Variants in C1orf115 observed in about 807,000 individuals in gnomAD.
C1orf115 encodes required for drug-induced death protein 1.
Under a neutral mutation model 12.5 loss-of-function variants are expected in C1orf115, and 14 were observed. That is an observed-to-expected ratio of 1.12 (90% CI 0.74 to 1.75). The LOEUF (loss-of-function observed/expected upper bound fraction) is 1.75. Among genes scored for constraint, C1orf115 ranks in the 40% most tolerant of loss-of-function variants. C1orf115 has a pLI of 0.00. For synonymous variants in C1orf115, 109 were observed against 104.6 expected, an observed-to-expected ratio of 1.04 and a Z score of -0.26; for missense variants, 237 against 220.8, an observed-to-expected ratio of 1.07 and a Z score of -0.46.
chr1:220,695,930 T>A (rs951609608), intron 1 of C1orf115, among the ~76,000 whole-genome samples: 1 of 152,046 alleles, frequency 6.6e-6, no homozygotes, highest in Non-Finnish European at 1.5e-5. Context: ...GCAATCACAT[T>A]TGAGTCCTTT....
intron 1 of C1orf115, among the ~76,000 whole-genome samples, chr1:220,691,966 A>T (rs1319389760): frequency 6.6e-6 from 1 of 152,054 alleles, no homozygotes; most frequent in Non-Finnish European, 1.5e-5. Context: ...CAGGCAGTTC[A>T]CTCCTCAGCG....
chr1:220,698,286 A>T lies in C1orf115; in HGVS notation c.*1555A>T, dbSNP rs534201644. ...AATCAAGCCCTACCAAGACAGACAG[A>T]AAGACAGACAGAAAAAAGGAAGGGG... is the stretch of plus-strand genomic sequence containing the variant. On this transcript the variant is annotated 3_prime_UTR_variant, in exon 2 of 2. Transcript: ENST00000294889. The T allele has an allele frequency of 6.6e-6, 1 of 152,416 alleles. No homozygotes were observed. Among genetic ancestry groups the T allele is most frequent in the East Asian group, 1.9e-4 (1 of 5,168 alleles). 9.4% of individuals were successfully genotyped at this position (152,416 alleles called of 1,614,324 possible).
At chr1:220,691,579 T>A (rs998096310) in intron 1 of C1orf115, among the ~76,000 whole-genome samples, 2 of 152,208 alleles carry the variant, frequency 1.3e-5, no homozygotes, top group African/African-American at 4.8e-5. Context: ...CCTGGGAGCT[T>A]AGGTTTATCA....
intron 1 of C1orf115, among the ~76,000 whole-genome samples, chr1:220,692,327 C>G (rs1054327903): frequency 3.3e-5 from 5 of 152,052 alleles, no homozygotes; most frequent in African/African-American, 7.2e-5. Context: ...GTACTCAAAT[C>G]AATGTTTATA....
At chr1:220,692,205 G>A (rs1670122571) in intron 1 of C1orf115, among the ~76,000 whole-genome samples, 1 of 152,210 alleles carries the variant, frequency 6.6e-6, no homozygotes, top group Non-Finnish European at 1.5e-5. Flanking sequence ...AATGTAAAAT[G>A]GGACAGCTGC....
rs1183605757 is a variant in C1orf115 at position 220,696,849 on chromosome 1, CTT to C, written c.*120_*121del. ...AGCATATTTGGAAGAGAAAACATGC[CTT>C]TCTTTGTTGAATCACATTAGTATGA... On this transcript the variant is annotated 3_prime_UTR_variant, in exon 2 of 2. Transcript: ENST00000294889. 7.6e-7 allele frequency: 1 copy of C among 1,315,100 alleles called. No individual in the cohort carries two copies. Among genetic ancestry groups the C allele is most frequent in the Non-Finnish European group, 1.0e-6 (1 of 979,884 alleles). 81.5% of individuals were successfully genotyped at this position (1,315,100 alleles called of 1,614,324 possible).
chr1:220,696,778 C>T lies in C1orf115; in HGVS notation c.*47C>T. On this transcript the variant is annotated 3_prime_UTR_variant, in exon 2 of 2. Coordinates refer to ENST00000294889, the MANE Select transcript of C1orf115 (RefSeq NM_024709.5). Reference sequence around the variant, plus strand: ...CCCCCAGAGTGAACGGGAGCCCCTGCTGTGGGAACTTTGTGAATCCTGGAG... The same window carrying T: ...CCCCCAGAGTGAACGGGAGCCCCTGTTGTGGGAACTTTGTGAATCCTGGAG... The T allele has an allele frequency of 1.3e-6, 2 of 1,537,562 alleles. No homozygotes were observed. The highest frequency in any genetic ancestry group is 8.9e-7 in the Non-Finnish European group (1 of 1,127,858).
At position 220,696,252 on chromosome 1, in the gene C1orf115, G is replaced by A. The variant is rs1294273456; in HGVS notation, c.310-360G>A. Among the ~76,000 whole-genome samples, 4 of 152,162 alleles carry A rather than the reference G, an allele frequency of 2.6e-5. No individual in the cohort carries two copies. In the South Asian group the frequency reaches 6.2e-4, roughly 24 times the overall value. On this transcript the variant is annotated intron_variant, in intron 1 of 1. Coordinates refer to ENST00000294889, the MANE Select transcript of C1orf115 (RefSeq NM_024709.5). ...CTGACGGTCCAGTAATTTTTAGCTG[G>A]AACAGAGAAGAGGAGTGATCTTTGG...
intron 1 of C1orf115, among the ~76,000 whole-genome samples, chr1:220,690,983 G>A (rs552426171): frequency 1.3e-5 from 2 of 152,274 alleles, no homozygotes; most frequent in East Asian, 1.9e-4. Context: ...CTACCGCGGT[G>A]GTTTTTATGT....
At position 220,694,035 on chromosome 1, in the gene C1orf115, G is replaced by A. The variant is rs147243188; in HGVS notation, c.310-2577G>A. Reference sequence around the variant, plus strand: ...GTGGAGGTTGCAGTGAGCTGAGATCGCGCCATTGCACTCCAGACTGGGCAA... The same window carrying A: ...GTGGAGGTTGCAGTGAGCTGAGATCACGCCATTGCACTCCAGACTGGGCAA... On this transcript the variant is annotated intron_variant, in intron 1 of 1. Coordinates refer to ENST00000294889, the MANE Select transcript of C1orf115 (RefSeq NM_024709.5). 4.0e-3 allele frequency among the ~76,000 whole-genome samples: 583 copies of A among 144,278 alleles called. 9 individuals are homozygous for A. The highest frequency in any genetic ancestry group is 0.014 in the African/African-American group (550 of 38,690). 94.7% of individuals were successfully genotyped at this position (144,278 alleles called of 152,430 possible).
rs1287570510 is a variant in C1orf115, at chr1:220,697,120, G to A, written c.*389G>A. The A allele has an allele frequency of 6.3e-6, 1 of 157,984 alleles. No homozygotes were observed. The allele number at this position is 157,984 out of a possible 1,614,324, so 9.8% of individuals were successfully genotyped here. A position where few individuals can be genotyped will look rare whatever the true frequency, so the allele number is the denominator to read the frequency against. On this transcript the variant is annotated 3_prime_UTR_variant, in exon 2 of 2. Transcript: ENST00000294889. The surrounding 1 kb of genome is among the most constrained non-coding windows in gnomAD (Gnocchi z 4.5). Reference sequence around the variant, plus strand: ...GGGGGAGGAAGAGGATGTTACTAGAGTCAGATGATTTGCTGTATTCTCCTG... The same window carrying A: ...GGGGGAGGAAGAGGATGTTACTAGAATCAGATGATTTGCTGTATTCTCCTG...
chr1:220,695,416 G>A (rs1245821159), intron 1 of C1orf115, among the ~76,000 whole-genome samples: 1 of 152,050 alleles, frequency 6.6e-6, no homozygotes, highest in Non-Finnish European at 1.5e-5. Context: ...CACAGGCAAT[G>A]CGGGAGAAGC....
chr1:220,695,238 T>G (rs1028640434), intron 1 of C1orf115, among the ~76,000 whole-genome samples: 3 of 152,026 alleles, frequency 2.0e-5, no homozygotes, highest in Non-Finnish European at 2.9e-5. Context: ...GGGCAGGATA[T>G]GGAGTCACGG....
intron 1 of C1orf115, among the ~76,000 whole-genome samples, chr1:220,694,927 T>G (rs964538862): frequency 2.0e-5 from 3 of 152,196 alleles, no homozygotes; most frequent in Non-Finnish European, 4.4e-5. Context: ...AGGGATAATT[T>G]AGCAAAGAAA....
rs1434432756 is a variant in C1orf115, at chr1:220,698,950, C to G, written c.*2219C>G. The G allele has an allele frequency of 2.0e-5, 3 of 152,186 alleles. No individual in the cohort carries two copies. The highest frequency in any genetic ancestry group is 7.2e-5 in the African/African-American group (3 of 41,430). 9.4% of individuals were successfully genotyped at this position (152,186 alleles called of 1,614,324 possible). ...AGGGCTGCCCTGGGTTTCTCTTACT[C>G]AATCCCTGGAGTGTAAGCATTTGGA... On this transcript the variant is annotated 3_prime_UTR_variant, in exon 2 of 2. Coordinates refer to ENST00000294889, the MANE Select transcript of C1orf115 (RefSeq NM_024709.5).
chr1:220,693,502 T>G (rs1318093738), intron 1 of C1orf115, among the ~76,000 whole-genome samples: 3 of 152,198 alleles, frequency 2.0e-5, no homozygotes, highest in Non-Finnish European at 4.4e-5. Context: ...CCCCAGTGAT[T>G]CTTATCACAC....
Position 220,696,604 on chromosome 1 carries a change from A to C in C1orf115, c.310-8A>C. 1 of 1,574,844 alleles carries C rather than the reference A, an allele frequency of 6.3e-7. No individual in the cohort carries two copies. Among genetic ancestry groups the C allele is most frequent in the East Asian group, 2.3e-5 (1 of 43,918 alleles). ...TCCTTTGCTTTTCTCTTTTATTCCT[A>C]ACACTAGAATGTCGGGAAGGTCATC... On this transcript the variant is annotated splice_region_variant and splice_polypyrimidine_tract_variant and intron_variant, in intron 1 of 1. Transcript: ENST00000294889.
intron 1 of C1orf115, among the ~76,000 whole-genome samples, chr1:220,693,798 G>T (rs2102517033): frequency 6.6e-6 from 1 of 152,286 alleles, no homozygotes; most frequent in Non-Finnish European, 1.5e-5. Flanking sequence ...TGAAAGCTCA[G>T]CTGGGTGTGG....
chr1:220,690,933 A>T (rs1031935417), intron 1 of C1orf115, among the ~76,000 whole-genome samples: 1 of 152,062 alleles, frequency 6.6e-6, no homozygotes. Flanking sequence ...TGTGCCTGCT[A>T]TTGCGCTCCT....
Sources: gnomAD v4.1 joint callset for allele counts (sites outside exome capture counted in the v4.1 genomes callset) on GRCh38, gnomAD v4.1.1 for gene constraint, Gnocchi (gnomAD v3.1) non-coding constraint, MANE v1.5 for transcripts, NCBI Gene and HGNC (gene_info 2026-07-23, HGNC 2026-07-21) for gene names.